C1orf159: variants seen among roughly 807,000 people sequenced by gnomAD.
C1orf159 encodes the protein uncharacterized protein C1orf159.
In C1orf159, 19 loss-of-function variants were observed where a neutral mutation model predicts 25.6. That is an observed-to-expected ratio of 0.74 (90% CI 0.52 to 1.09). The LOEUF (loss-of-function observed/expected upper bound fraction) is 1.09. Among genes scored for constraint, C1orf159 ranks in the 50% least tolerant of loss-of-function variants. C1orf159 has a pLI of 0.00. For synonymous variants in C1orf159, 139 were observed against 124.7 expected (o/e 1.12, Z -0.77); for missense variants, 274 against 290.6 (o/e 0.94, Z 0.42).
chr1:1,089,445 G>C lies in C1orf159; in HGVS notation c.148+908C>G, dbSNP rs1371702158. ...TGCTCAGCTTCCTCCCAGCCCCTCT[G>C]TTCTCCCTCAGAGCGGTGCCCTCCT... On this transcript the variant is annotated intron_variant, in intron 4 of 9. Coordinates refer to ENST00000421241, the MANE Select transcript of C1orf159 (RefSeq NM_017891.5). The surrounding 1 kb of genome is among the most constrained non-coding windows in gnomAD (Gnocchi z 7.5). Among the ~76,000 whole-genome samples, 1 of 152,120 alleles carries C rather than the reference G, an allele frequency of 6.6e-6. No individual in the cohort carries two copies. Among genetic ancestry groups the C allele is most frequent in the East Asian group, 1.9e-4 (1 of 5,194 alleles).
intron 3 of C1orf159, chr1:1,091,039 A>C: frequency 7.2e-7 from 1 of 1,392,476 alleles, no homozygotes; most frequent in Non-Finnish European, 9.9e-7. Context: ...GCGGGATAGA[A>C]TCCACACCGC....
At chr1:1,101,929 G>A (rs529658765) in intron 1 of C1orf159, among the ~76,000 whole-genome samples, 12 of 151,714 alleles carry the variant, frequency 7.9e-5, no homozygotes, top group South Asian at 6.3e-4. Context: ...AAAATTAATC[G>A]GGCATGGTGG....
At chr1:1,112,546 G>A (rs1051513642) in intron 1 of C1orf159, among the ~76,000 whole-genome samples, 3 of 151,932 alleles carry the variant, frequency 2.0e-5, no homozygotes, top group Admixed American at 2.0e-4. Context: ...CAACGCGCAC[G>A]CTCCCTCCCT....
intron 1 of C1orf159, among the ~76,000 whole-genome samples, chr1:1,103,926 C>T (rs1213641448): frequency 5.9e-5 from 9 of 151,922 alleles, no homozygotes; most frequent in Non-Finnish European, 8.8e-5. Context: ...AAGCAATTCT[C>T]CGTCTCAGCC....
rs1208029122 is a variant in C1orf159, at chr1:1,091,426, A to T, written c.72+46T>A. On this transcript the variant is annotated intron_variant, in intron 3 of 9. Transcript: ENST00000421241. Reference sequence around the variant, plus strand: ...AGGGGAAGGGCCCACCGCCCTCCACAGAGGCTCTGGCTTAGGCCGCGTGGA... The same window carrying T: ...AGGGGAAGGGCCCACCGCCCTCCACTGAGGCTCTGGCTTAGGCCGCGTGGA... 7.3e-6 allele frequency: 11 copies of T among 1,511,898 alleles called. No homozygotes were observed. In the Admixed American group the frequency reaches 2.2e-4, roughly 30 times the overall value. 93.7% of individuals were successfully genotyped at this position (1,511,898 alleles called of 1,614,324 possible). A position where few individuals can be genotyped will look rare whatever the true frequency, so the allele number is the denominator to read the frequency against.
chr1:1,086,059 C>CG, intron 6 of C1orf159, 47 bp from the exon 7 acceptor site: 3 of 1,603,032 alleles, frequency 1.9e-6, no homozygotes, highest in Admixed American at 1.7e-5. Context: ...GTGGCCCTGG[C>CG]TCCTCGCCTG....
chr1:1,091,267 CA>C (rs1402446346), intron 3 of C1orf159: 7 of 662,518 alleles, frequency 1.1e-5, no homozygotes, highest in Non-Finnish European at 1.8e-5. Flanking sequence ...CATTCCTGAG[CA>C]GGCGCTCACC....
At chr1:1,093,026 G>A (rs1168066859) in intron 1 of C1orf159, among the ~76,000 whole-genome samples, 2 of 151,534 alleles carry the variant, frequency 1.3e-5, no homozygotes, top group African/African-American at 2.4e-5. Flanking sequence ...TGTGCAAGGG[G>A]AACTCCGTCT....
At chr1:1,090,620 G>T in intron 3 of C1orf159, 192 bp from the exon 4 acceptor site, 1 of 701,888 alleles carries the variant, frequency 1.4e-6, no homozygotes. Flanking sequence ...CAGCCACAGT[G>T]CACATCCCTG....
chr1:1,087,631 A>T lies in C1orf159; in HGVS notation c.149-34T>A, dbSNP rs1645853013. ...GGCAGAGGACGGGCATGTCAGCCAAAGCAAAATCCACACCAGCTGGGTCTC... is the reference window on the plus strand; with the variant it reads ...GGCAGAGGACGGGCATGTCAGCCAATGCAAAATCCACACCAGCTGGGTCTC... On this transcript the variant is annotated intron_variant, in intron 4 of 9. Coordinates refer to ENST00000421241, the MANE Select transcript of C1orf159 (RefSeq NM_017891.5). The surrounding 1 kb of genome is among the most constrained non-coding windows in gnomAD (Gnocchi z 8.3). 1 of 1,465,232 alleles carries T rather than the reference A, an allele frequency of 6.8e-7. No individual in the cohort carries two copies. The highest frequency in any genetic ancestry group is 2.1e-5 in the Admixed American group (1 of 46,826). The allele number at this position is 1,465,232 out of a possible 1,614,324, so 90.8% of individuals were successfully genotyped here.
intron 1 of C1orf159, among the ~76,000 whole-genome samples, chr1:1,112,010 C>T (rs944227966): frequency 6.6e-6 from 1 of 152,188 alleles, no homozygotes; most frequent in Non-Finnish European, 1.5e-5. Context: ...CCCACCTACC[C>T]GTGGGCTCAG....
intron 1 of C1orf159, among the ~76,000 whole-genome samples, chr1:1,093,153 T>A (rs1645965092): frequency 6.6e-6 from 1 of 152,122 alleles, no homozygotes; most frequent in South Asian, 2.1e-4. Flanking sequence ...CAGAGTGCAA[T>A]CAAGTCTTAG....
Position 1,087,229 on chromosome 1 carries a change from A to G in C1orf159, c.245-25T>C. Reference sequence around the variant, plus strand: ...ACTGTGGGATAGCAGAACTGTGGGAAGCCTGTGTGCACGGAGCCCACGGGG... The same window carrying G: ...ACTGTGGGATAGCAGAACTGTGGGAGGCCTGTGTGCACGGAGCCCACGGGG... On this transcript the variant is annotated intron_variant, in intron 5 of 9. Coordinates refer to ENST00000421241, the MANE Select transcript of C1orf159 (RefSeq NM_017891.5). This position sits in a 1 kb window ranked among gnomAD's most constrained non-coding sequence, Gnocchi z 8.3. 1.3e-6 allele frequency: 2 copies of G among 1,594,712 alleles called. No individual in the cohort carries two copies. Among genetic ancestry groups the G allele is most frequent in the Non-Finnish European group, 1.7e-6 (2 of 1,170,854 alleles).
intron 1 of C1orf159, chr1:1,115,199 C>T (rs1166374336): frequency 6.6e-6 from 1 of 152,146 alleles, no homozygotes; most frequent in Non-Finnish European, 1.5e-5. Context: ...TGCTTTGAAA[C>T]GCGGTAAGAA....
intron 1 of C1orf159, chr1:1,105,975 C>T (rs1265515550): frequency 6.6e-6 from 1 of 152,172 alleles, no homozygotes; most frequent in Non-Finnish European, 1.5e-5. Flanking sequence ...AAATGCGTGC[C>T]GACAAGAGCA....
intron 1 of C1orf159, among the ~76,000 whole-genome samples, chr1:1,112,723 G>A (rs574316559): frequency 5.2e-4 from 79 of 152,376 alleles, no homozygotes; most frequent in African/African-American, 1.8e-3. Context: ...CCACCCTGAA[G>A]AAGGATCAGG....
chr1:1,110,934 G>A lies in C1orf159; in HGVS notation c.-136+5126C>T, dbSNP rs904908431. On this transcript the variant is annotated intron_variant, in intron 1 of 9. Coordinates refer to ENST00000421241, the MANE Select transcript of C1orf159 (RefSeq NM_017891.5). This position sits in a 1 kb window ranked among gnomAD's most constrained non-coding sequence, Gnocchi z 4.8. ...TCACAGCAGCGCTCCTGTCTGGCGCGGCAGGCGGGCGCTGGAGCAGCCTGC... is the reference window on the plus strand; with the variant it reads ...TCACAGCAGCGCTCCTGTCTGGCGCAGCAGGCGGGCGCTGGAGCAGCCTGC... Among the ~76,000 whole-genome samples the A allele has an allele frequency of 5.9e-5, 9 of 152,334 alleles. No homozygotes were observed. The highest frequency in any genetic ancestry group is 5.8e-4 in the East Asian group (3 of 5,186).
At chr1:1,096,371 T>C (rs1646009432) in intron 1 of C1orf159, among the ~76,000 whole-genome samples, 1 of 152,186 alleles carries the variant, frequency 6.6e-6, no homozygotes, top group African/African-American at 2.4e-5. Flanking sequence ...TCTCACTATA[T>C]TGTCCAGGCT....
chr1:1,091,052 G>C, intron 3 of C1orf159: 1 of 1,310,844 alleles, frequency 7.6e-7, no homozygotes. Flanking sequence ...CACACCGCCA[G>C]GGAGGGGCCC....
Sources: gnomAD v4.1 joint callset for allele counts (sites outside exome capture counted in the v4.1 genomes callset) on GRCh38, gnomAD v4.1.1 for gene constraint, Gnocchi (gnomAD v3.1) non-coding constraint, MANE v1.5 for transcripts, NCBI Gene and HGNC (gene_info 2026-07-23, HGNC 2026-07-21) for gene names.